The following TMA16 variants were observed in gnomAD, a reference collection of about 807,000 sequenced individuals.
TMA16 encodes translation machinery associated 16 homolog.
Under a neutral mutation model 27.1 loss-of-function variants are expected in TMA16, and 26 were observed. The ratio of observed to expected loss-of-function variants is 0.96; its 90% CI spans 0.70 to 1.33. TMA16 has a LOEUF of 1.33. Ranked by LOEUF, TMA16 falls within the 40% of genes most tolerant of loss-of-function variation. TMA16 has a pLI of 0.00. For missense variants in TMA16, 233 were observed against 241.4 expected (o/e 0.97, Z 0.23); for synonymous variants, 71 against 81.9 (o/e 0.87, Z 0.72).
rs553301236 is a variant in TMA16, at chr4:163,514,915, G to T, written c.240-398G>T. Among the ~76,000 whole-genome samples the T allele has an allele frequency of 5.9e-5, 9 of 152,132 alleles. No homozygotes were observed. In the South Asian group the frequency reaches 1.9e-3, roughly 32 times the overall value. The stretch of plus-strand genomic sequence containing the variant: ...TGTGGAATAAAAGGGATAGAGAGCA[G>T]TCAAGGAAGCCATCAGATTCCTCGT... On this transcript the variant is annotated intron_variant, in intron 4 of 6. Coordinates refer to ENST00000358572, the MANE Select transcript of TMA16 (RefSeq NM_018352.3).
intron 6 of TMA16, 66 bp from the exon 7 acceptor site, chr4:163,519,268 C>T (rs1268489820): frequency 5.0e-6 from 7 of 1,405,688 alleles, no homozygotes; most frequent in Non-Finnish European, 6.6e-6. Flanking sequence ...AATTTACTAT[C>T]TCCTGTTTTT....
chr4:163,494,697 A>T lies in TMA16; in HGVS notation c.-105A>T, dbSNP rs897686523. On this transcript the variant is annotated 5_prime_UTR_variant, in exon 1 of 7. Coordinates refer to ENST00000358572, the MANE Select transcript of TMA16 (RefSeq NM_018352.3). ...GGTCGGCGCGGGCTTCTCAGGCGCC[A>T]CGTGGGATTCGGCCCGGGTGCTCTT... 4.6e-5 allele frequency: 70 copies of T among 1,525,898 alleles called. No individual in the cohort carries two copies. The highest frequency in any genetic ancestry group is 6.2e-5 in the Non-Finnish European group (68 of 1,103,744). 94.5% of individuals were successfully genotyped at this position (1,525,898 alleles called of 1,614,324 possible).
rs767850009 is a variant in TMA16 at position 163,499,286 on chromosome 4, T to G, written c.3+4482T>G. Among the ~76,000 whole-genome samples, 13 of 152,152 alleles carry G rather than the reference T, an allele frequency of 8.5e-5. 1 individual carries two copies. The highest frequency in any genetic ancestry group is 1.6e-4 in the Non-Finnish European group (11 of 68,026). On this transcript the variant is annotated intron_variant, in intron 1 of 6. Transcript: ENST00000358572. ...TTTTGTAGTTTGTTTTTAGCTTGGT[T>G]TATGTTTTGAAGTTCAGACTTTTAA...
rs747108765 is a variant in TMA16, at chr4:163,512,852, C to A, written c.147C>A (p.Asn49Lys). Residue 49 changes from asparagine to lysine, a missense_variant, in exon 3 of 7, where the codon AAC (asparagine) becomes AAA (lysine). Transcript: ENST00000358572. Reference sequence around the variant, plus strand: ...AGAATGAAAAGGCCTTGCGTCTCAACCTTGTTGGTAAGTGGGTTTACTTAT... The same window carrying A: ...AGAATGAAAAGGCCTTGCGTCTCAAACTTGTTGGTAAGTGGGTTTACTTAT... Reference protein sequence around the residue: ...KLKNEKALRLNLVGEKLQWFQ... With the variant: ...KLKNEKALRLKLVGEKLQWFQ... The A allele has an allele frequency of 3.1e-6, 5 of 1,606,656 alleles. No homozygotes were observed. The highest frequency in any genetic ancestry group is 1.3e-5 in the African/African-American group (1 of 74,828).
intron 2 of TMA16, among the ~76,000 whole-genome samples, chr4:163,511,696 A>G (rs1737801222): frequency 6.6e-6 from 1 of 151,598 alleles, no homozygotes; most frequent in South Asian, 2.1e-4. Flanking sequence ...ATGGTGGTAT[A>G]TAACAGTAGT....
intron 1 of TMA16, 71 bp from the exon 2 acceptor site, chr4:163,506,962 A>T: frequency 8.2e-7 from 1 of 1,218,368 alleles, no homozygotes; most frequent in Non-Finnish European, 1.1e-6. Flanking sequence ...ATTTATTTGT[A>T]AAGAATATTT....
At position 163,507,096 on chromosome 4, in the gene TMA16, A is replaced by C; in HGVS notation, c.67A>C (p.Lys23Gln). 6.3e-7 allele frequency: 1 copy of C among 1,593,870 alleles called. No homozygotes were observed. Among genetic ancestry groups the C allele is most frequent in the Non-Finnish European group, 8.6e-7 (1 of 1,168,994 alleles). The change falls in exon 2 of 7, where the codon AAA (lysine) becomes CAA (glutamine). Residue 23 changes from lysine (K) to glutamine (Q), a missense_variant. Lys to Gln is a moderately conservative substitution (Grantham distance 53). Transcript: ENST00000358572. ...EKKVIHPYSR[K>Q]AAQITREAHK... is the part of the protein sequence containing the mutation. ...AAAAGTCATCCATCCATATAGTAGA[A>C]AAGCAGCTCAAATTACGAGAGAGGC... is the stretch of plus-strand genomic sequence containing the variant.
intron 2 of TMA16, among the ~76,000 whole-genome samples, chr4:163,511,827 A>G (rs1197207782): frequency 6.6e-6 from 1 of 152,066 alleles, no homozygotes; most frequent in Non-Finnish European, 1.5e-5. Context: ...CCTGTCTCTA[A>G]TGATAATAAT....
At chr4:163,500,821 T>C (rs970431576) in intron 1 of TMA16, among the ~76,000 whole-genome samples, 1 of 152,212 alleles carries the variant, frequency 6.6e-6, no homozygotes, top group African/African-American at 2.4e-5. Context: ...TTTTCACTTC[T>C]TATAAAAGAC....
Position 163,517,485 on chromosome 4 carries a change from G to A in TMA16, c.431+9G>A. ...AATCTGAAAACATTTAGGTGAGTCT[G>A]TCTTGTATTGTTCCCCTGAAGCTGT... On this transcript the variant is annotated intron_variant, in intron 6 of 6. Transcript: ENST00000358572. The A allele has an allele frequency of 6.2e-7, 1 of 1,612,088 alleles. No individual in the cohort carries two copies. Among genetic ancestry groups the A allele is most frequent in the East Asian group, 2.2e-5 (1 of 44,770 alleles).
chr4:163,505,652 A>G (rs1228471262), intron 1 of TMA16, among the ~76,000 whole-genome samples: 1 of 152,196 alleles, frequency 6.6e-6, no homozygotes, highest in Non-Finnish European at 1.5e-5. Flanking sequence ...AGAATCTTTT[A>G]TAGAGGAGCA....
intron 2 of TMA16, among the ~76,000 whole-genome samples, chr4:163,508,455 A>AT (rs1737747512): frequency 6.6e-6 from 1 of 152,034 alleles, no homozygotes; most frequent in African/African-American, 2.4e-5. Context: ...AAAAGGAGAT[A>AT]TTTTTTCTCT....
At chr4:163,516,597 T>C (rs1278473507) in intron 5 of TMA16, among the ~76,000 whole-genome samples, 1 of 152,216 alleles carries the variant, frequency 6.6e-6, no homozygotes, top group East Asian at 1.9e-4. Context: ...TTCCAGTTTT[T>C]GTTGTTCATG....
At chr4:163,506,980 T>C (rs1737725227) in intron 1 of TMA16, 53 bp from the exon 2 acceptor site, 1 of 1,383,344 alleles carries the variant, frequency 7.2e-7, no homozygotes, top group Non-Finnish European at 9.8e-7. Context: ...TTTTTGGGAC[T>C]GAAGGCACTT....
chr4:163,512,786 A>T, intron 2 of TMA16, 36 bp from the exon 3 acceptor site: 1 of 1,546,162 alleles, frequency 6.5e-7, no homozygotes, highest in East Asian at 2.3e-5. Context: ...TTGCTTTGGA[A>T]ATTTTCTAAC....
Position 163,520,023 on chromosome 4 carries a change from AT to A in TMA16, c.*511del, listed in dbSNP as rs1737945499. ...ATAAGAAGTTTGTATACATTTCTGG[AT>A]TATAGATTATTATTTATCTTTTGAA... On this transcript the variant is annotated 3_prime_UTR_variant, in exon 7 of 7. Transcript: ENST00000358572. 1.6e-6 allele frequency: 1 copy of A among 608,598 alleles called. No individual in the cohort carries two copies. Among genetic ancestry groups the A allele is most frequent in the African/African-American group, 1.9e-5 (1 of 53,858 alleles). 37.7% of individuals were successfully genotyped at this position (608,598 alleles called of 1,614,324 possible). A position where few individuals can be genotyped will look rare whatever the true frequency, so the allele number is the denominator to read the frequency against.
chr4:163,496,287 A>G (rs988622606), intron 1 of TMA16, among the ~76,000 whole-genome samples: 1 of 152,242 alleles, frequency 6.6e-6, no homozygotes, highest in African/African-American at 2.4e-5. Context: ...TAATTGGGAT[A>G]ACAATAGTAC....
rs1737950009 is a variant in TMA16 at position 163,520,124 on chromosome 4, G to C, written c.*610G>C. On this transcript the variant is annotated 3_prime_UTR_variant, in exon 7 of 7. Transcript: ENST00000358572. Reference sequence around the variant, plus strand: ...ATCTCCCACAATTAATTTATCTTTTGACAAAGGGGATAAAGAGTTTCAGTT... The same window carrying C: ...ATCTCCCACAATTAATTTATCTTTTCACAAAGGGGATAAAGAGTTTCAGTT... 1 of 465,624 alleles carries C rather than the reference G, an allele frequency of 2.1e-6. No homozygotes were observed. Among genetic ancestry groups the C allele is most frequent in the African/African-American group, 2.1e-5 (1 of 48,508 alleles). 28.8% of individuals were successfully genotyped at this position (465,624 alleles called of 1,614,324 possible).
intron 1 of TMA16, among the ~76,000 whole-genome samples, chr4:163,501,058 G>T (rs1737643944): frequency 6.6e-6 from 1 of 152,138 alleles, no homozygotes; most frequent in African/African-American, 2.4e-5. Flanking sequence ...TTTTATTGTA[G>T]AATTGTGTCA....
Sources: gnomAD v4.1 joint callset for allele counts (sites outside exome capture counted in the v4.1 genomes callset) on GRCh38, gnomAD v4.1.1 for gene constraint, MANE v1.5 for transcripts, NCBI Gene and HGNC (gene_info 2026-07-23, HGNC 2026-07-21) for gene names.